INO80D: variants seen among roughly 807,000 people sequenced by gnomAD.
The protein encoded by INO80D is INO80 complex subunit D.
In INO80D, 21 loss-of-function variants were observed where a neutral mutation model predicts 87.6. The ratio of observed to expected loss-of-function variants is 0.24; its 90% confidence interval spans 0.17 to 0.35. The LOEUF (loss-of-function observed/expected upper bound fraction) is 0.35, where lower values mean the gene tolerates loss of function less well. Among genes scored for constraint, INO80D ranks in the 10% least tolerant of loss-of-function variants. The pLI, the probability that INO80D is intolerant of heterozygous loss-of-function variation, is 1.00. For missense variants in INO80D, 982 were observed against 1,280.7 expected, an observed-to-expected ratio of 0.77 and a Z score of 3.56; for synonymous variants, 440 against 491.0, an observed-to-expected ratio of 0.90 and a Z score of 1.37.
chr2:206,022,249 C>G (rs1055093458), intron 6 of INO80D, among the ~76,000 whole-genome samples: 2 of 151,838 alleles, frequency 1.3e-5, no homozygotes, highest in Non-Finnish European at 2.9e-5. Flanking sequence ...CACCTGTAAT[C>G]CCAGCTACTC....
rs906675920 is a variant in INO80D, at chr2:206,010,231, C to T, written c.1543-437G>A. Among the ~76,000 whole-genome samples, 3 of 151,124 alleles carry T rather than the reference C, an allele frequency of 2.0e-5. 1 individual carries two copies. Among genetic ancestry groups the T allele is most frequent in the African/African-American group, 7.3e-5 (3 of 41,154 alleles). On this transcript the variant is annotated intron_variant, in intron 8 of 10. Coordinates refer to ENST00000403263, the MANE Select transcript of INO80D (RefSeq NM_017759.5). ...GGGCATAAAATTAATATTAGTGGAG[C>T]ACATATTCATTACTGAAGAACCGAC...
chr2:205,998,186 G>A lies in INO80D; in HGVS notation c.*6182C>T, dbSNP rs1241488218. 3 of 152,092 alleles carry A rather than the reference G, an allele frequency of 2.0e-5. No individual in the cohort carries two copies. Among genetic ancestry groups the A allele is most frequent in the African/African-American group, 7.2e-5 (3 of 41,432 alleles). 9.4% of individuals were successfully genotyped at this position (152,092 alleles called of 1,614,324 possible). A position where few individuals can be genotyped will look rare whatever the true frequency, so the allele number is the denominator to read the frequency against. Reference sequence around the variant, plus strand: ...TAGTTTACAAATTCCAGCTACAGTAGTTGGAGTTTTACTTGATCTATGTAT... The same window carrying A: ...TAGTTTACAAATTCCAGCTACAGTAATTGGAGTTTTACTTGATCTATGTAT... On this transcript the variant is annotated 3_prime_UTR_variant, in exon 11 of 11. Coordinates refer to ENST00000403263, the MANE Select transcript of INO80D (RefSeq NM_017759.5).
At chr2:206,071,663 C>A (rs568940929) in intron 1 of INO80D, among the ~76,000 whole-genome samples, 1 of 151,190 alleles carries the variant, frequency 6.6e-6, no homozygotes, top group East Asian at 1.9e-4. Flanking sequence ...TTGAATGTTT[C>A]TGCAATGTTA....
intron 1 of INO80D, among the ~76,000 whole-genome samples, chr2:206,064,544 C>A (rs1468243892): frequency 6.6e-6 from 1 of 152,140 alleles, no homozygotes; most frequent in Admixed American, 6.6e-5. Flanking sequence ...GCTGTGTTAC[C>A]TTGAACAAAT....
At chr2:206,042,880 G>A (rs922762456) in intron 5 of INO80D, among the ~76,000 whole-genome samples, 1 of 152,170 alleles carries the variant, frequency 6.6e-6, no homozygotes. Flanking sequence ...GCTGAGGCAG[G>A]AGGATCACTT....
chr2:206,063,213 G>A lies in INO80D; in HGVS notation c.-92C>T. On this transcript the variant is annotated 5_prime_UTR_variant, in exon 2 of 11. Transcript: ENST00000403263. ...GAACCCCCAAGGATACCACAGTTTG[G>A]AATGCCGCAGAATCAGGATGAAGCA... 1.7e-6 allele frequency: 1 copy of A among 576,562 alleles called. No individual in the cohort carries two copies. The highest frequency in any genetic ancestry group is 3.0e-6 in the Non-Finnish European group (1 of 332,838). 35.7% of individuals were successfully genotyped at this position (576,562 alleles called of 1,614,324 possible).
At chr2:206,039,800 C>CCT (rs1384993508) in intron 5 of INO80D, among the ~76,000 whole-genome samples, 1 of 121,652 alleles carries the variant, frequency 8.2e-6, no homozygotes, top group African/African-American at 3.0e-5. Context: ...ACAGAGTGAG[C>CCT]CTCTGTCTCC....
rs1395318955 is a variant in INO80D at position 206,028,301 on chromosome 2, T to C, written c.1108A>G (p.Arg370Gly). The change falls in exon 6 of 11, where the codon AGG becomes GGG. Residue 370 changes from arginine to glycine, a missense_variant. Transcript: ENST00000403263. ...AAGTAAGTGCAAAGTTGAGTCACCC[T>C]GGAGCTCCTACTCTCCGCATCATCA... ...DDDDAESRSS[R>G]VTQLCTYFQQ... The C allele has an allele frequency of 6.2e-7, 1 of 1,608,484 alleles. No individual in the cohort carries two copies. Among genetic ancestry groups the C allele is most frequent in the South Asian group, 1.1e-5 (1 of 90,814 alleles).
chr2:206,083,734 G>A (rs1292579725), intron 1 of INO80D, among the ~76,000 whole-genome samples: 3 of 151,990 alleles, frequency 2.0e-5, no homozygotes, highest in African/African-American at 7.2e-5. Flanking sequence ...GCAAGTGGTA[G>A]CTTTTCACTA....
Position 206,065,288 on chromosome 2 carries a change from G to C in INO80D, c.-123-2044C>G, listed in dbSNP as rs555437988. 2.0e-5 allele frequency among the ~76,000 whole-genome samples: 3 copies of C among 152,212 alleles called. No homozygotes were observed. The East Asian group carries it at 5.8e-4, about 29-fold the overall frequency. ...GCTCGAGACCAGCCTGACTAACAAGGTGAAACCCTGTCTCTACTAAAAAAT... is the reference window on the plus strand; with the variant it reads ...GCTCGAGACCAGCCTGACTAACAAGCTGAAACCCTGTCTCTACTAAAAAAT... On this transcript the variant is annotated intron_variant, in intron 1 of 10. Coordinates refer to ENST00000403263, the MANE Select transcript of INO80D (RefSeq NM_017759.5).
At chr2:206,081,733 G>A (rs541898351) in intron 1 of INO80D, among the ~76,000 whole-genome samples, 6 of 141,272 alleles carry the variant, frequency 4.2e-5, no homozygotes, top group African/African-American at 7.8e-5. Context: ...CTCCAGGCTC[G>A]ACAACAGAGT....
rs1687764724 is a variant in INO80D at position 205,994,121 on chromosome 2, T to G, written c.*10247A>C. 6.6e-6 allele frequency: 1 copy of G among 152,168 alleles called. No individual in the cohort carries two copies. The highest frequency in any genetic ancestry group is 2.1e-4 in the South Asian group (1 of 4,826). 9.4% of individuals were successfully genotyped at this position (152,168 alleles called of 1,614,324 possible). A position where few individuals can be genotyped will look rare whatever the true frequency, so the allele number is the denominator to read the frequency against. The stretch of plus-strand genomic sequence containing the variant: ...CCTGTCCACCAGAACTGGGGGCTCT[T>G]ACCAAAACCTGCCCATCTCCTCATC... On this transcript the variant is annotated 3_prime_UTR_variant, in exon 11 of 11. Coordinates refer to ENST00000403263, the MANE Select transcript of INO80D (RefSeq NM_017759.5).
At chr2:206,066,895 G>A (rs1689830973) in intron 1 of INO80D, among the ~76,000 whole-genome samples, 4 of 151,946 alleles carry the variant, frequency 2.6e-5, no homozygotes, top group Admixed American at 2.6e-4. Flanking sequence ...AATAAGGTAT[G>A]GAAAATTAAA....
In INO80D at chr2:205,997,698, T is replaced by C. The variant is rs1049006676; in HGVS notation, c.*6670A>G. The C allele has an allele frequency of 2.0e-5, 3 of 152,158 alleles. No homozygotes were observed. The highest frequency in any genetic ancestry group is 4.4e-5 in the Non-Finnish European group (3 of 67,990). 9.4% of individuals were successfully genotyped at this position (152,158 alleles called of 1,614,324 possible). A position where few individuals can be genotyped will look rare whatever the true frequency, so the allele number is the denominator to read the frequency against. ...TGTTTCTCATGTCATTTTATGAACA[T>C]AGCATAATATAAGTTAATCCAAAGG... On this transcript the variant is annotated 3_prime_UTR_variant, in exon 11 of 11. Coordinates refer to ENST00000403263, the MANE Select transcript of INO80D (RefSeq NM_017759.5).
intron 1 of INO80D, among the ~76,000 whole-genome samples, chr2:206,067,625 A>G (rs1689854677): frequency 1.3e-5 from 2 of 152,214 alleles, no homozygotes; most frequent in Admixed American, 6.6e-5. Flanking sequence ...AAATTATAAA[A>G]CATAAACATT....
In INO80D at chr2:206,060,780, AAACTCTCAACCTCAGGT is replaced by A. The variant is rs1477450340; in HGVS notation, c.218+2002_218+2018del. ...TCTCCATGTTGGTCAGGGTGGTCTC[AAACTCTCAACCTCAGGT>A]GATCCACCCACCTCGGCCTCCCAAA... On this transcript the variant is annotated intron_variant, in intron 3 of 10. Coordinates refer to ENST00000403263, the MANE Select transcript of INO80D (RefSeq NM_017759.5). Among the ~76,000 whole-genome samples the A allele has an allele frequency of 1.4e-4, 22 of 152,072 alleles. No individual in the cohort carries two copies. In the South Asian group the frequency reaches 3.9e-3, roughly 27 times the overall value.
At chr2:206,026,523 G>A (rs1045928721) in intron 6 of INO80D, among the ~76,000 whole-genome samples, 2 of 151,498 alleles carry the variant, frequency 1.3e-5, no homozygotes, top group East Asian at 3.9e-4. Context: ...TCCAGCCTGG[G>A]TGACAGGGCA....
At chr2:206,008,669 T>C (rs1158603790) in intron 9 of INO80D, among the ~76,000 whole-genome samples, 1 of 152,052 alleles carries the variant, frequency 6.6e-6, no homozygotes, top group Non-Finnish European at 1.5e-5. Context: ...GAAAGTAGAG[T>C]CACTGCAAAA....
chr2:206,046,622 A>G lies in INO80D; in HGVS notation c.965-10T>C, dbSNP rs1304565313. 5 of 1,561,136 alleles carry G rather than the reference A, an allele frequency of 3.2e-6. No individual in the cohort carries two copies. Among genetic ancestry groups the G allele is most frequent in the Non-Finnish European group, 4.4e-6 (5 of 1,137,500 alleles). On this transcript the variant is annotated splice_polypyrimidine_tract_variant and intron_variant, in intron 4 of 10. Transcript: ENST00000403263. ...TCAGACCAGTCCAAACCTGGGTTAG[A>G]CAGGAGATATTGCAAATTAGAAAAA...
Sources: allele counts gnomAD v4.1 joint callset (sites outside exome capture counted in the v4.1 genomes callset), GRCh38; gene constraint gnomAD v4.1.1; transcripts MANE v1.5; gene names NCBI Gene and HGNC (gene_info 2026-07-23, HGNC 2026-07-21).